Variants in BRCA2 observed in about 807,000 individuals in gnomAD.
The protein encoded by BRCA2 is BRCA2 DNA repair associated.
BRCA2 carries 203 observed loss-of-function variants against 276.7 expected under a neutral mutation model. The observed-to-expected ratio is 0.73, with a 90% confidence interval of 0.65 to 0.82. The LOEUF (loss-of-function observed/expected upper bound fraction) is 0.82, where lower values mean the gene tolerates loss of function less well. BRCA2 is among the 40% of genes least tolerant of loss of function. The pLI, the probability that BRCA2 is intolerant of heterozygous loss-of-function variation, is 0.00. For missense variants in BRCA2, 3,920 were observed against 3,915.0 expected (o/e 1.00, Z -0.03); for synonymous variants, 1,289 against 1,338.4 (o/e 0.96, Z 0.81).
Position 32,320,668 on chromosome 13 carries a change from A to T in BRCA2, c.316+1343A>T, listed in dbSNP as rs141454495. 0.011 allele frequency among the ~76,000 whole-genome samples: 1,737 copies of T among 152,318 alleles called. 42 individuals carry two copies. The highest frequency in any genetic ancestry group is 0.014 in the South Asian group (66 of 4,828). The stretch of plus-strand genomic sequence containing the variant: ...GTGATACATGCTTTGAAAGAAATTC[A>T]TGGCTATAGGGAGTGCATATACAAA... On this transcript the variant is annotated intron_variant, in intron 3 of 26. Transcript: ENST00000380152.
In BRCA2 at chr13:32,326,072, C is replaced by T. The variant is rs746873644; in HGVS notation, c.426-29C>T. On this transcript the variant is annotated intron_variant, in intron 4 of 26. Coordinates refer to ENST00000380152, the MANE Select transcript of BRCA2 (RefSeq NM_000059.4). ...AGTTTTTGCCAGTTTTTTAAAATAACCTAAGGGATTTGCTTTGTTTTATTT... is the reference window on the plus strand; with the variant it reads ...AGTTTTTGCCAGTTTTTTAAAATAATCTAAGGGATTTGCTTTGTTTTATTT... 8.2e-6 allele frequency: 13 copies of T among 1,589,162 alleles called. No homozygotes were observed. The African/African-American group carries it at 9.4e-5, about 12-fold the overall frequency.
intron 11 of BRCA2, among the ~76,000 whole-genome samples, chr13:32,341,769 G>A (rs1027171499): frequency 6.6e-6 from 1 of 151,416 alleles, no homozygotes; most frequent in Non-Finnish European, 1.5e-5. Context: ...TTGGGAGGCT[G>A]AGGCAGGAGA....
chr13:32,353,761 G>A (rs2072668143), intron 13 of BRCA2, among the ~76,000 whole-genome samples: 1 of 152,194 alleles, frequency 6.6e-6, no homozygotes, highest in African/African-American at 2.4e-5. Context: ...AGGTATCCAG[G>A]GTTTGGTAAA....
In BRCA2 at chr13:32,380,098, C is replaced by G. The variant is rs747837583; in HGVS notation, c.9209C>G (p.Ser3070Cys). Residue 3070 changes from serine to cysteine, a missense_variant, in exon 24 of 27, where the codon TCT becomes TGT. By Grantham distance (112) the Ser-to-Cys change is moderately radical. This residue lies in a region of BRCA2 where 657 missense variants were observed against 758.2 expected (regional missense o/e 0.87). Transcript: ENST00000380152. The stretch of plus-strand genomic sequence containing the variant: ...GATCCAGACTTTCAGCCATCTTGTT[C>G]TGAGGTGGACCTAATAGGATTTGTC... ...FLDPDFQPSCSEVDLIGFVVS... is the reference protein window; with the variant it reads ...FLDPDFQPSCCEVDLIGFVVS... 6.2e-7 allele frequency: 1 copy of G among 1,613,976 alleles called. No homozygotes were observed. Among genetic ancestry groups the G allele is most frequent in the South Asian group, 1.1e-5 (1 of 91,074 alleles).
At chr13:32,381,438 T>C (rs573892057) in intron 24 of BRCA2, among the ~76,000 whole-genome samples, 1 of 152,190 alleles carries the variant, frequency 6.6e-6, no homozygotes, top group African/African-American at 2.4e-5. Flanking sequence ...GAGAGAGACC[T>C]CCCTGGAAAG....
chr13:32,327,530 C>T (rs1593888069), intron 7 of BRCA2, among the ~76,000 whole-genome samples: 1 of 151,590 alleles, frequency 6.6e-6, no homozygotes, highest in Middle Eastern at 3.4e-3. Flanking sequence ...ATTAGCTGGG[C>T]GTGGTGGCAG....
At position 32,346,824 on chromosome 13, in the gene BRCA2, T is replaced by C. The variant is rs1400188645; in HGVS notation, c.6938-3T>C. 1.9e-6 allele frequency: 3 copies of C among 1,603,126 alleles called. No individual in the cohort carries two copies. Among genetic ancestry groups the C allele is most frequent in the Non-Finnish European group, 2.6e-6 (3 of 1,172,248 alleles). ...TATGTAATATAAAATAATTGTTTCC[T>C]AGGCACAATAAAAGATCGAAGATTG... On this transcript the variant is annotated splice_polypyrimidine_tract_variant and splice_region_variant and intron_variant, in intron 12 of 26. Transcript: ENST00000380152.
At chr13:32,350,894 G>A (rs1485283573) in intron 13 of BRCA2, among the ~76,000 whole-genome samples, 2 of 152,186 alleles carry the variant, frequency 1.3e-5, no homozygotes, top group Non-Finnish European at 2.9e-5. Flanking sequence ...TGGGTCGTGT[G>A]GGGACTTGGA....
chr13:32,357,865 T>C lies in BRCA2; in HGVS notation c.7741T>C (p.Leu2581=). Residue 2581 remains leucine (L), a synonymous_variant, in exon 16 of 27, where the codon TTG becomes CTG. Coordinates refer to ENST00000380152, the MANE Select transcript of BRCA2 (RefSeq NM_000059.4). ...TTTATGGACTGGAAAAGGAATACAG[T>C]TGGCTGATGGTGGATGGCTCATACC... ...ESLWTGKGIQ[L]ADGGWLIPSN... is the part of the protein sequence containing the mutation. The C allele has an allele frequency of 6.2e-7, 1 of 1,614,110 alleles. No individual in the cohort carries two copies. The highest frequency in any genetic ancestry group is 8.5e-7 in the Non-Finnish European group (1 of 1,180,004).
chr13:32,343,823 C>G (rs1019563264), intron 11 of BRCA2, among the ~76,000 whole-genome samples: 7 of 152,028 alleles, frequency 4.6e-5, no homozygotes, highest in African/African-American at 1.7e-4. Flanking sequence ...GTTACTGGAA[C>G]AGTACAGGTC....
At chr13:32,318,909 A>C (rs1233616866) in intron 2 of BRCA2, among the ~76,000 whole-genome samples, 168 bp from the exon 3 acceptor site, 2 of 152,234 alleles carry the variant, frequency 1.3e-5, no homozygotes, top group Non-Finnish European at 2.9e-5. Flanking sequence ...ACCTTTCTAT[A>C]GATTCGCAAG....
In BRCA2 at chr13:32,336,490, T is replaced by C. The variant is rs80358490; in HGVS notation, c.2135T>C (p.Leu712Pro). ...ITPEADSLSC[L>P]QEGQCENDPK... ...CCAGAAGCTGATTCTCTGTCATGCC[T>C]GCAGGAAGGACAGTGTGAAAATGAT... The change falls in exon 11 of 27, where the codon CTG (leucine) becomes CCG (proline). Residue 712 changes from leucine (L) to proline (P), a missense_variant. Coordinates refer to ENST00000380152, the MANE Select transcript of BRCA2 (RefSeq NM_000059.4). 5 of 1,614,110 alleles carry C rather than the reference T, an allele frequency of 3.1e-6. No homozygotes were observed. Among genetic ancestry groups the C allele is most frequent in the Non-Finnish European group, 4.2e-6 (5 of 1,180,022 alleles).
At chr13:32,369,177 G>T (rs940592162) in intron 18 of BRCA2, among the ~76,000 whole-genome samples, 1 of 151,782 alleles carries the variant, frequency 6.6e-6, no homozygotes. Context: ...CAGAGTCCAC[G>T]ATATGTATGG....
In BRCA2 at chr13:32,338,785, T is replaced by C. The variant is rs1555283775; in HGVS notation, c.4430T>C (p.Ile1477Thr). Reference sequence around the variant, plus strand: ...GACATAAGAAAGAACAAAATGGACATTCTAAGTTATGAGGAAACAGACATA... The same window carrying C: ...GACATAAGAAAGAACAAAATGGACACTCTAAGTTATGAGGAAACAGACATA... ...HSDIRKNKMDILSYEETDIVK... is the reference protein window; with the variant it reads ...HSDIRKNKMDTLSYEETDIVK... Residue 1477 changes from isoleucine (I) to threonine (T), a missense_variant, in exon 11 of 27, where the codon ATT (isoleucine) becomes ACT (threonine). Ile to Thr is a moderately conservative substitution (Grantham distance 89, BLOSUM62 -1). This residue lies in a region of BRCA2 where 3,263 missense variants were observed against 3,156.9 expected (regional missense o/e 1.03). Coordinates refer to ENST00000380152, the MANE Select transcript of BRCA2 (RefSeq NM_000059.4). The C allele has an allele frequency of 6.2e-7, 1 of 1,612,834 alleles. No homozygotes were observed. Among genetic ancestry groups the C allele is most frequent in the East Asian group, 2.2e-5 (1 of 44,870 alleles).
At chr13:32,319,035 T>C (rs756807012) in intron 2 of BRCA2, 42 bp from the exon 3 acceptor site, 8 of 1,607,556 alleles carry the variant, frequency 5.0e-6, no homozygotes, top group South Asian at 2.2e-5. Context: ...CAAATTTGTC[T>C]GTCACTGGTT....
At chr13:32,322,641 C>T (rs1403234157) in intron 3 of BRCA2, among the ~76,000 whole-genome samples, 2 of 152,168 alleles carry the variant, frequency 1.3e-5, no homozygotes, top group African/African-American at 2.4e-5. Flanking sequence ...AAGCTTCCAG[C>T]GTGGGTGTCA....
chr13:32,388,109 A>G (rs2072973515), intron 24 of BRCA2, among the ~76,000 whole-genome samples: 1 of 130,864 alleles, frequency 7.6e-6, no homozygotes, highest in African/African-American at 2.8e-5. Context: ...GACCCTACAC[A>G]TATGACCTCA....
rs80359120 is a variant in BRCA2, at chr13:32,371,086, T to G, written c.8618T>G (p.Phe2873Cys). 6.2e-7 allele frequency: 1 copy of G among 1,613,988 alleles called. No individual in the cohort carries two copies. Among genetic ancestry groups the G allele is most frequent in the African/African-American group, 1.3e-5 (1 of 75,034 alleles). Reference protein sequence around the residue: ...EALFTKIQEEFEEHEENTTKP... With the variant: ...EALFTKIQEECEEHEENTTKP... ...TTATTCACTAAAATTCAGGAGGAATTTGAAGAACATGAAGGTAAAATTAGT... is the reference window on the plus strand; with the variant it reads ...TTATTCACTAAAATTCAGGAGGAATGTGAAGAACATGAAGGTAAAATTAGT... Residue 2873 changes from phenylalanine (F) to cysteine (C), a missense_variant, in exon 20 of 27, where the codon TTT becomes TGT. By Grantham distance (205) the Phe-to-Cys change is radical. This residue lies in a region of BRCA2 where 657 missense variants were observed against 758.2 expected (regional missense o/e 0.87). Coordinates refer to ENST00000380152, the MANE Select transcript of BRCA2 (RefSeq NM_000059.4).
Position 32,333,166 on chromosome 13 carries a change from G to C in BRCA2, c.1688G>C (p.Trp563Ser). 1 of 1,614,030 alleles carries C rather than the reference G, an allele frequency of 6.2e-7. No individual in the cohort carries two copies. The highest frequency in any genetic ancestry group is 8.5e-7 in the Non-Finnish European group (1 of 1,179,982). Residue 563 changes from tryptophan to serine, a missense_variant, in exon 10 of 27, where the codon TGG becomes TCG. By Grantham distance (177) the Trp-to-Ser change is radical. Around this residue, in one of 2 missense-constraint regions of BRCA2, gnomAD observed 3,263 missense variants for 3,156.9 expected, o/e 1.03. Transcript: ENST00000380152. The part of the protein sequence containing the change: ...LCPNLIDNGS[W>S]PATTTQNSVA... ...CCAAATTTAATTGATAATGGAAGCT[G>C]GCCAGCCACCACCACACAGAATTCT... is the stretch of plus-strand genomic sequence containing the variant.
Sources: gnomAD v4.1 joint callset for allele counts (sites outside exome capture counted in the v4.1 genomes callset) on GRCh38, gnomAD v4.1.1 for gene constraint, gnomAD v4.1.1 regional missense constraint, MANE v1.5 for transcripts, NCBI Gene and HGNC (gene_info 2026-07-23, HGNC 2026-07-21) for gene names.